Variants in STAT3 observed in about 807,000 individuals in gnomAD.
STAT3 encodes DNA-binding protein APRF.
STAT3 carries 7 observed loss-of-function variants against 114.3 expected under a neutral mutation model. The ratio of observed to expected loss-of-function variants is 0.06; its 90% CI spans 0.03 to 0.11. The LOEUF is 0.11. Among genes scored for constraint, STAT3 ranks in the 10% least tolerant of loss-of-function variants. The pLI, the probability that STAT3 is intolerant of heterozygous loss-of-function variation, is 1.00. For missense variants in STAT3, 364 were observed against 960.9 expected, an observed-to-expected ratio of 0.38 and a Z score of 8.21; for synonymous variants, 331 against 354.5, an observed-to-expected ratio of 0.93 and a Z score of 0.74.
chr17:42,365,938 G>A (rs1490171314), intron 1 of STAT3, among the ~76,000 whole-genome samples: 1 of 152,106 alleles, frequency 6.6e-6, no homozygotes, highest in African/African-American at 2.4e-5. Flanking sequence ...ACAGGCATGA[G>A]CCACCGTGCC....
intron 8 of STAT3, among the ~76,000 whole-genome samples, chr17:42,335,364 T>A (rs1016040541): frequency 2.6e-5 from 4 of 152,144 alleles, no homozygotes; most frequent in African/African-American, 9.7e-5. Flanking sequence ...TCTAGTTTTT[T>A]AAATTTTTGT....
At chr17:42,317,272 A>G (rs775857584) in intron 21 of STAT3, 48 bp from the exon 22 acceptor site, 14 of 1,604,078 alleles carry the variant, frequency 8.7e-6, no homozygotes, top group Non-Finnish European at 1.2e-5. Flanking sequence ...CTTCGCATTC[A>G]GTAAGCAGAG....
chr17:42,366,724 C>T (rs2083819049), intron 1 of STAT3, among the ~76,000 whole-genome samples: 1 of 150,108 alleles, frequency 6.7e-6, no homozygotes, highest in Admixed American at 6.6e-5. Flanking sequence ...CAACCTCCCA[C>T]TGACGCAGCC....
chr17:42,370,166 C>T (rs896467864), intron 1 of STAT3, among the ~76,000 whole-genome samples: 5 of 151,410 alleles, frequency 3.3e-5, no homozygotes, highest in African/African-American at 1.2e-4. Context: ...GATGGGGTTT[C>T]GCCATGTTCA....
rs1184627481 is a variant in STAT3, at chr17:42,348,457, C to T, written c.60G>A (p.Gln20=). The part of the protein sequence containing the change: ...LDTRYLEQLH[Q]LYSDSFPMEL... ...CCATTGGGAAGCTGTCACTGTAGAG[C>T]TGATGGAGCTGCTCCAGGTACCGTG... Residue 20 remains glutamine (Q), a synonymous_variant, in exon 2 of 24, where the codon CAG becomes CAA. Coordinates refer to ENST00000264657, the MANE Select transcript of STAT3 (RefSeq NM_139276.3). The T allele has an allele frequency of 1.9e-6, 3 of 1,613,936 alleles. No individual in the cohort carries two copies. Among genetic ancestry groups the T allele is most frequent in the Non-Finnish European group, 2.5e-6 (3 of 1,180,032 alleles).
intron 1 of STAT3, among the ~76,000 whole-genome samples, chr17:42,352,710 C>T (rs2083030276): frequency 6.6e-6 from 1 of 151,598 alleles, no homozygotes; most frequent in Non-Finnish European, 1.5e-5. Context: ...CTGACTTATG[C>T]TATGCAAGAA....
intron 1 of STAT3, among the ~76,000 whole-genome samples, chr17:42,375,435 C>T (rs938398282): frequency 2.6e-5 from 4 of 152,168 alleles, no homozygotes; most frequent in Admixed American, 6.5e-5. Flanking sequence ...TCTTTTTAAG[C>T]AAATAACCCA....
At chr17:42,319,802 G>A (rs2081398136) in intron 21 of STAT3, among the ~76,000 whole-genome samples, 1 of 151,974 alleles carries the variant, frequency 6.6e-6, no homozygotes, top group Admixed American at 6.6e-5. Context: ...TCGTCCTGAA[G>A]GCACCCATTT....
intron 1 of STAT3, among the ~76,000 whole-genome samples, chr17:42,371,536 C>A (rs2084135499): frequency 1.3e-5 from 2 of 150,588 alleles, no homozygotes; most frequent in East Asian, 3.9e-4. Context: ...ATTAGCCAGG[C>A]GTAGTGGCGG....
chr17:42,372,818 G>A (rs372748514), intron 1 of STAT3, among the ~76,000 whole-genome samples: 43 of 151,944 alleles, frequency 2.8e-4, no homozygotes, highest in East Asian at 1.9e-3. Flanking sequence ...CTGCAACCTG[G>A]CCTGGACAAC....
In STAT3 at chr17:42,324,638, A is replaced by C; in HGVS notation, c.1600+73T>G. The C allele has an allele frequency of 6.6e-7, 1 of 1,526,438 alleles. No individual in the cohort carries two copies. The highest frequency in any genetic ancestry group is 8.8e-7 in the Non-Finnish European group (1 of 1,136,358). 94.6% of individuals were successfully genotyped at this position (1,526,438 alleles called of 1,614,324 possible). A position where few individuals can be genotyped will look rare whatever the true frequency, so the allele number is the denominator to read the frequency against. The stretch of plus-strand genomic sequence containing the variant: ...GCCTAATGCTCAGTAGACATGGCCC[A>C]AATGAACAGCCCTATGGGCCGGATC... On this transcript the variant is annotated intron_variant, in intron 17 of 23. Transcript: ENST00000264657. The surrounding 1 kb of genome is among the most constrained non-coding windows in gnomAD (Gnocchi z 4.5).
intron 1 of STAT3, 25 bp downstream of exon 1, chr17:42,388,254 C>T (rs2085223358): frequency 1.6e-6 from 2 of 1,231,784 alleles, no homozygotes; most frequent in African/African-American, 1.5e-5. Context: ...GCCTCCCCAA[C>T]GGCCCCACCC....
At chr17:42,356,167 A>G (rs984734026) in intron 1 of STAT3, among the ~76,000 whole-genome samples, 3 of 152,342 alleles carry the variant, frequency 2.0e-5, no homozygotes, top group South Asian at 2.1e-4. Context: ...ACTGAATTCT[A>G]TAGGAACCAG....
intron 1 of STAT3, among the ~76,000 whole-genome samples, chr17:42,355,990 T>C (rs1002500773): frequency 6.6e-5 from 10 of 152,190 alleles, no homozygotes; most frequent in African/African-American, 2.4e-4. Flanking sequence ...CAATGTGTCA[T>C]GACATTTTCC....
chr17:42,387,819 G>T (rs111671711), intron 1 of STAT3: 2,234 of 156,278 alleles, frequency 0.014, 17 homozygotes, highest in Middle Eastern at 0.035. Context: ...TCCTGAAGGA[G>T]CGGGAACAGG....
intron 14 of STAT3, among the ~76,000 whole-genome samples, chr17:42,327,807 G>A (rs142625335): frequency 2.8e-4 from 42 of 152,182 alleles, no homozygotes; most frequent in African/African-American, 9.9e-4. Flanking sequence ...CAGCACTTTC[G>A]GAGGCCGAGA....
rs1309964636 is a variant in STAT3, at chr17:42,324,566, CCT to C, written c.1600+143_1600+144del. ...CTCTGCACCCCAACTCCCCAACTCC[CCT>C]GTTTCCTGGCACCAGCACAGCGCCT... On this transcript the variant is annotated intron_variant, in intron 17 of 23. Transcript: ENST00000264657. The surrounding 1 kb of genome is among the most constrained non-coding windows in gnomAD (Gnocchi z 4.5). The C allele has an allele frequency of 2.7e-5, 33 of 1,215,244 alleles. No individual in the cohort carries two copies. The highest frequency in any genetic ancestry group is 1.2e-4 in the African/African-American group (8 of 66,338). 75.3% of individuals were successfully genotyped at this position (1,215,244 alleles called of 1,614,324 possible).
At chr17:42,360,406 A>G (rs2083455310) in intron 1 of STAT3, among the ~76,000 whole-genome samples, 1 of 151,326 alleles carries the variant, frequency 6.6e-6, no homozygotes, top group Admixed American at 6.6e-5. Context: ...GCACTTTGGG[A>G]GGCTGAGGCA....
In STAT3 at chr17:42,388,311, C is replaced by T; in HGVS notation, c.-56G>A. 8.1e-7 allele frequency: 1 copy of T among 1,231,874 alleles called. No homozygotes were observed. Among genetic ancestry groups the T allele is most frequent in the South Asian group, 4.1e-5 (1 of 24,334 alleles). 76.3% of individuals were successfully genotyped at this position (1,231,874 alleles called of 1,614,324 possible). ...TCCGGCAGAGGCCGAGAGGCCGGGG[C>T]TGCGCGTGTGCCGGGGACGGGCGGC... On this transcript the variant is annotated 5_prime_UTR_variant, in exon 1 of 24. Coordinates refer to ENST00000264657, the MANE Select transcript of STAT3 (RefSeq NM_139276.3).
Sources: gnomAD v4.1 joint callset for allele counts (sites outside exome capture counted in the v4.1 genomes callset) on GRCh38, gnomAD v4.1.1 for gene constraint, Gnocchi (gnomAD v3.1) non-coding constraint, MANE v1.5 for transcripts, NCBI Gene and HGNC (gene_info 2026-07-23, HGNC 2026-07-21) for gene names.